The following SPTA1 variants were observed in gnomAD, a reference collection of about 807,000 sequenced individuals.
The protein encoded by SPTA1 is spectrin alpha chain, erythrocytic 1.
SPTA1 carries 177 observed loss-of-function variants against 324.7 expected under a neutral mutation model. The ratio of observed to expected loss-of-function variants is 0.55; its 90% CI spans 0.48 to 0.62. The LOEUF is 0.62. Among genes scored for constraint, SPTA1 ranks in the 20% least tolerant of loss-of-function variants. The pLI, the probability that SPTA1 is intolerant of heterozygous loss-of-function variation, is 0.00. For synonymous variants in SPTA1, 1,195 were observed against 1,041.3 expected, an observed-to-expected ratio of 1.15 and a Z score of -2.84; for missense variants, 3,162 against 2,883.6, an observed-to-expected ratio of 1.10 and a Z score of -2.21.
In SPTA1 at chr1:158,666,421, A is replaced by G; in HGVS notation, c.2115T>C (p.Asp705=). ...CCTCAGAGGTGACTTGCCACTCAACATCCTCCAGCCAGCGCTGCAAATCTT... is the reference window on the plus strand; with the variant it reads ...CCTCAGAGGTGACTTGCCACTCAACGTCCTCCAGCCAGCGCTGCAAATCTT... ...NAEDLQRWLE[D]VEWQVTSEDY... is the part of the protein sequence containing the mutation. The change falls in exon 16 of 52, where the codon GAT becomes GAC. Residue 705 remains aspartate (D), a synonymous_variant. Coordinates refer to ENST00000643759, the MANE Select transcript of SPTA1 (RefSeq NM_003126.4). 2 of 1,613,680 alleles carry G rather than the reference A, an allele frequency of 1.2e-6. No individual in the cohort carries two copies.
chr1:158,627,024 G>T lies in SPTA1; in HGVS notation c.5665-17C>A, dbSNP rs778976702. 1 of 1,613,254 alleles carries T rather than the reference G, an allele frequency of 6.2e-7. No individual in the cohort carries two copies. On this transcript the variant is annotated splice_polypyrimidine_tract_variant and intron_variant, in intron 40 of 51. Transcript: ENST00000643759. ...CTGCAACACCTGTGAGAAGGGGAGA[G>T]ACAAATATATTTATAATGTGCAGGG...
rs953483546 is a variant in SPTA1 at position 158,668,027 on chromosome 1, C to A, written c.1869G>T (p.Gln623His). The A allele has an allele frequency of 6.2e-7, 1 of 1,611,840 alleles. No homozygotes were observed. Among genetic ancestry groups the A allele is most frequent in the East Asian group, 2.2e-5 (1 of 44,802 alleles). ...IQNLKSRVQKQQVFEKELAVN... is the reference protein window; with the variant it reads ...IQNLKSRVQKHQVFEKELAVN... The stretch of plus-strand genomic sequence containing the variant: ...CTGCCAACTCCTTTTCAAAGACTTG[C>A]TGCTTTTGAACCCTGCTCTTCAAGT... The change falls in exon 15 of 52, where the codon CAG (glutamine) becomes CAT (histidine). Residue 623 changes from glutamine to histidine, a missense_variant. Physicochemically the swap from Gln to His is conservative, Grantham distance 24. Transcript: ENST00000643759.
At position 158,626,977 on chromosome 1, in the gene SPTA1, T is replaced by A. The variant is rs760008266; in HGVS notation, c.5695A>T (p.Ile1899Phe). The change falls in exon 41 of 52, where the codon ATT becomes TTT. Residue 1899 changes from isoleucine to phenylalanine, a missense_variant. Ile to Phe is a conservative substitution (Grantham distance 21). Coordinates refer to ENST00000643759, the MANE Select transcript of SPTA1 (RefSeq NM_003126.4). ...TTCAGAGCCTCTATCTTGGAAGAAA[T>A]CTCTTTGTTCTGACTTTCCTCCTGC... The part of the protein sequence containing the change: ...VLQEESQNKE[I>F]SSKIEALNEK... 1 of 1,613,812 alleles carries A rather than the reference T, an allele frequency of 6.2e-7. No individual in the cohort carries two copies. The highest frequency in any genetic ancestry group is 8.5e-7 in the Non-Finnish European group (1 of 1,179,762).
Position 158,651,355 on chromosome 1 carries a change from A to G in SPTA1, c.3477+12T>C, listed in dbSNP as rs1249011347. ...CCTGGTAGTGAGGAGGAATGGAGGG[A>G]GCCTTAGTTACCTGCCGGATTTGAG... On this transcript the variant is annotated intron_variant, in intron 24 of 51. Transcript: ENST00000643759. 6.3e-7 allele frequency: 1 copy of G among 1,586,532 alleles called. No individual in the cohort carries two copies. The highest frequency in any genetic ancestry group is 8.7e-7 in the Non-Finnish European group (1 of 1,154,910).
Position 158,642,829 on chromosome 1 carries a change from G to A in SPTA1, c.4590C>T (p.Asp1530=), listed in dbSNP as rs372099409. Residue 1530 remains aspartate (D), a synonymous_variant, in exon 32 of 52, where the codon GAC becomes GAT. Transcript: ENST00000643759. ...LPTACDESYK[D]ATNIQRKYLK... ...TTGAACTTGCCTGAATGTTAGTGGC[G>A]TCTTTGTAGGATTCATCACAGGCTG... 1.9e-4 allele frequency: 303 copies of A among 1,613,808 alleles called. 3 individuals carry two copies. In the South Asian group the frequency reaches 2.2e-3, roughly 12 times the overall value.
At chr1:158,657,190 A>G (rs1474519288) in intron 19 of SPTA1, among the ~76,000 whole-genome samples, 3 of 152,192 alleles carry the variant, frequency 2.0e-5, no homozygotes, top group African/African-American at 7.2e-5. Context: ...GTTACTCTGG[A>G]AAGTTTAGGA....
chr1:158,669,343 A>G, intron 14 of SPTA1, 65 bp downstream of exon 14: 1 of 1,607,612 alleles, frequency 6.2e-7, no homozygotes, highest in Non-Finnish European at 8.5e-7. Flanking sequence ...ATTTTACTCC[A>G]AGACTGTACT....
chr1:158,642,170 G>A (rs1234183063), intron 33 of SPTA1, among the ~76,000 whole-genome samples: 1 of 151,926 alleles, frequency 6.6e-6, no homozygotes, highest in Admixed American at 6.6e-5. Context: ...GGGGTGGGGG[G>A]AGGAGGGAGG....
At chr1:158,628,606 T>C (rs538593046) in intron 39 of SPTA1, among the ~76,000 whole-genome samples, 1 of 152,268 alleles carries the variant, frequency 6.6e-6, no homozygotes, top group South Asian at 2.1e-4. Context: ...GGTAAATGAA[T>C]ATTGGAAAGG....
chr1:158,630,385 A>G (rs1244523087), intron 39 of SPTA1, among the ~76,000 whole-genome samples: 1 of 152,062 alleles, frequency 6.6e-6, no homozygotes, highest in Non-Finnish European at 1.5e-5. Context: ...CCAAAAATAT[A>G]CAATGGAGAA....
At position 158,626,846 on chromosome 1, in the gene SPTA1, A is replaced by C; in HGVS notation, c.5826T>G (p.Ala1942=). ...GAACCTGACACATCATACCTATCCA[A>C]GCCTCTACCACATCAGCCTTCCAGT... ...EFNWKADVVE[A]WIADKETSLK... is the part of the protein sequence containing the mutation. The change falls in exon 41 of 52, where the codon GCT becomes GCG. Residue 1942 remains alanine, a synonymous_variant. Transcript: ENST00000643759. 1 of 1,613,750 alleles carries C rather than the reference A, an allele frequency of 6.2e-7. No individual in the cohort carries two copies. Among genetic ancestry groups the C allele is most frequent in the Non-Finnish European group, 8.5e-7 (1 of 1,179,666 alleles).
Position 158,612,572 on chromosome 1 carries a change from T to C in SPTA1, c.7134+245A>G, listed in dbSNP as rs905269940. ...AATTAATGAGGAAAAAAAAAAGAAA[T>C]AGCCTTAAAAACTGAGTTGCAGATT... On this transcript the variant is annotated intron_variant, in intron 51 of 51. Transcript: ENST00000643759. The C allele has an allele frequency of 2.1e-5, 10 of 480,032 alleles. 1 individual carries two copies. The highest frequency in any genetic ancestry group is 4.1e-5 in the African/African-American group (2 of 49,046). The allele number at this position is 480,032 out of a possible 1,614,324, so 29.7% of individuals were successfully genotyped here.
At chr1:158,685,385 A>T in intron 1 of SPTA1, 38 bp from the exon 2 acceptor site, 11 of 1,608,120 alleles carry the variant, frequency 6.8e-6, no homozygotes, top group Non-Finnish European at 9.3e-6. Context: ...GCTAGTTCTC[A>T]AATATTTAAC....
chr1:158,672,292 A>T, intron 10 of SPTA1, 96 bp from the exon 11 acceptor site: 1 of 1,307,242 alleles, frequency 7.6e-7, no homozygotes, highest in South Asian at 1.3e-5. Flanking sequence ...ATTTAAGGAT[A>T]CAAAAATAAA....
At chr1:158,643,126 T>A in intron 31 of SPTA1, 150 bp from the exon 32 acceptor site, 4 of 1,300,254 alleles carry the variant, frequency 3.1e-6, no homozygotes, top group Non-Finnish European at 4.3e-6. Context: ...CTAAAGCCAG[T>A]TAATTTCTAA....
intron 9 of SPTA1, 24 bp downstream of exon 9, chr1:158,674,516 T>C (rs377449335): frequency 2.5e-6 from 4 of 1,614,070 alleles, no homozygotes; most frequent in South Asian, 2.2e-5. Context: ...CCCCTCCTCC[T>C]ACTGGGCAGC....
intron 25 of SPTA1, 24 bp downstream of exon 25, chr1:158,649,832 G>A (rs1165305119): frequency 1.9e-6 from 3 of 1,591,598 alleles, no homozygotes; most frequent in Admixed American, 1.7e-5. Flanking sequence ...AAGCAGCACT[G>A]CTTTTTAGAG....
rs1177353050 is a variant in SPTA1 at position 158,659,595 on chromosome 1, A to ATTTTTTTTTTTTTTTT, written c.2587+1676_2587+1691dup. Among the ~76,000 whole-genome samples the ATTTTTTTTTTTTTTTT allele has an allele frequency of 4.9e-4, 34 of 68,776 alleles. 7 individuals are homozygous for ATTTTTTTTTTTTTTTT. Among genetic ancestry groups the ATTTTTTTTTTTTTTTT allele is most frequent in the South Asian group, 1.8e-3 (2 of 1,092 alleles). The allele number at this position is 68,776 out of a possible 152,430, so 45.1% of individuals were successfully genotyped here. ...AAAAGAAAATAATAGTCTTAGCATTATTTTTTTTTTTTTTTTTTTTTTTTT... is the reference window on the plus strand; with the variant it reads ...AAAAGAAAATAATAGTCTTAGCATTATTTTTTTTTTTTTTTTTTTTTTTTTTTTTTTTTTTTTTTTT... On this transcript the variant is annotated intron_variant, in intron 18 of 51. Transcript: ENST00000643759.
chr1:158,651,145 T>C (rs1443406866), intron 24 of SPTA1, among the ~76,000 whole-genome samples: 1 of 152,216 alleles, frequency 6.6e-6, no homozygotes, highest in Non-Finnish European at 1.5e-5. Context: ...ACTCAATATA[T>C]GTTAACAAAT....
Sources: gnomAD v4.1 joint callset for allele counts (sites outside exome capture counted in the v4.1 genomes callset) on GRCh38, gnomAD v4.1.1 for gene constraint, MANE v1.5 for transcripts, NCBI Gene and HGNC (gene_info 2026-07-23, HGNC 2026-07-21) for gene names.